DAPK1: variants seen among roughly 807,000 people sequenced by gnomAD.
The protein encoded by DAPK1 is death associated protein kinase 1, also known as death-associated protein kinase 1.
DAPK1 carries 56 observed loss-of-function variants against 144.9 expected under a neutral mutation model. The observed-to-expected ratio is 0.39, with a 90% CI of 0.31 to 0.48. The LOEUF (loss-of-function observed/expected upper bound fraction) is 0.48, where lower values mean the gene tolerates loss of function less well. Among genes scored for constraint, DAPK1 ranks in the 20% least tolerant of loss-of-function variants. The pLI is 0.95. For synonymous variants in DAPK1, 690 were observed against 749.0 expected (o/e 0.92, Z 1.29); for missense variants, 1,454 against 1,875.4 (o/e 0.78, Z 4.15).
chr9:87,549,977 T>G (rs1403580595), intron 2 of DAPK1, among the ~76,000 whole-genome samples: 2 of 152,236 alleles, frequency 1.3e-5, no homozygotes, highest in Non-Finnish European at 2.9e-5. Context: ...GGCTTCGTCA[T>G]GCGTGTCATT....
At chr9:87,527,758 G>C (rs916280012) in intron 2 of DAPK1, among the ~76,000 whole-genome samples, 2 of 152,222 alleles carry the variant, frequency 1.3e-5, no homozygotes, top group African/African-American at 4.8e-5. Flanking sequence ...CGGATTATTG[G>C]GACTATTCCC....
intron 2 of DAPK1, among the ~76,000 whole-genome samples, chr9:87,571,460 C>CCCCCCA (rs1564000685): frequency 1.5e-5 from 1 of 66,130 alleles, no homozygotes. Flanking sequence ...CACACACACA[C>CCCCCCA]ACACACACAC....
Position 87,524,490 on chromosome 9 carries a change from C to T in DAPK1, c.62+25351C>T, listed in dbSNP as rs7044086. Reference sequence around the variant, plus strand: ...CCTTGAACTTCCTCTTTCTCAGAGCCTAACAGTAGAGCCGGGGTGGGTTTC... The same window carrying T: ...CCTTGAACTTCCTCTTTCTCAGAGCTTAACAGTAGAGCCGGGGTGGGTTTC... On this transcript the variant is annotated intron_variant, in intron 2 of 25. Transcript: ENST00000408954. Among the ~76,000 whole-genome samples the T allele has an allele frequency of 6.7e-3, 1,021 of 152,282 alleles. 14 individuals carry two copies. Among genetic ancestry groups the T allele is most frequent in the African/African-American group, 0.023 (970 of 41,566 alleles).
At chr9:87,665,718 C>T (rs1831026004) in intron 18 of DAPK1, among the ~76,000 whole-genome samples, 1 of 152,202 alleles carries the variant, frequency 6.6e-6, no homozygotes, top group Non-Finnish European at 1.5e-5. Flanking sequence ...GTGAAGTGGC[C>T]TTTCACCTTT....
At chr9:87,650,407 A>C (rs1022992778) in intron 16 of DAPK1, 3 of 342,994 alleles carry the variant, frequency 8.7e-6, no homozygotes, top group Non-Finnish European at 1.6e-5. Context: ...TGTTCACTGA[A>C]TCCGAGACAA....
intron 25 of DAPK1, 34 bp downstream of exon 25, chr9:87,703,251 A>G: frequency 1.5e-6 from 2 of 1,333,842 alleles, no homozygotes; most frequent in Non-Finnish European, 2.1e-6. Context: ...GGGGGCCGTG[A>G]GAGGTGCCAG....
intron 2 of DAPK1, among the ~76,000 whole-genome samples, chr9:87,540,405 G>T (rs1826006531): frequency 6.6e-6 from 1 of 151,950 alleles, no homozygotes; most frequent in African/African-American, 2.4e-5. Flanking sequence ...TGGCCAGGCT[G>T]GTCTCGAACT....
chr9:87,596,591 G>C (rs1257413819), intron 2 of DAPK1, among the ~76,000 whole-genome samples: 2 of 152,198 alleles, frequency 1.3e-5, no homozygotes, highest in Non-Finnish European at 2.9e-5. Flanking sequence ...GATGGGATGA[G>C]AGGGCCCGTT....
At chr9:87,505,345 T>G (rs1824546871) in intron 2 of DAPK1, among the ~76,000 whole-genome samples, 1 of 152,144 alleles carries the variant, frequency 6.6e-6, no homozygotes, top group Admixed American at 6.5e-5. Flanking sequence ...TGGGGAAGAG[T>G]ACCCCAGAGA....
intron 2 of DAPK1, among the ~76,000 whole-genome samples, chr9:87,522,227 A>G (rs1214019582): frequency 6.6e-6 from 1 of 152,220 alleles, no homozygotes; most frequent in Non-Finnish European, 1.5e-5. Context: ...TTTTTCTCAG[A>G]CAGGTCCCTT....
At chr9:87,603,338 C>A (rs1345040833) in intron 2 of DAPK1, among the ~76,000 whole-genome samples, 2 of 152,038 alleles carry the variant, frequency 1.3e-5, no homozygotes, top group Non-Finnish European at 1.5e-5. Context: ...TTACATAGAC[C>A]CCGTAATTGT....
In DAPK1 at chr9:87,577,784, G is replaced by A. The variant is rs146863938; in HGVS notation, c.63-27170G>A. Among the ~76,000 whole-genome samples, 481 of 152,222 alleles carry A rather than the reference G, an allele frequency of 3.2e-3. 4 individuals carry two copies. Among genetic ancestry groups the A allele is most frequent in the African/African-American group, 0.011 (459 of 41,530 alleles). On this transcript the variant is annotated intron_variant, in intron 2 of 25. Coordinates refer to ENST00000408954, the MANE Select transcript of DAPK1 (RefSeq NM_004938.4). ...CTGCACCCCAGTGTGGTGACAGAGCGAGACTCTGTCTCAGGAAAAATAAAA... is the reference window on the plus strand; with the variant it reads ...CTGCACCCCAGTGTGGTGACAGAGCAAGACTCTGTCTCAGGAAAAATAAAA...
chr9:87,694,568 G>T (rs1469438051), intron 21 of DAPK1, among the ~76,000 whole-genome samples: 1 of 152,222 alleles, frequency 6.6e-6, no homozygotes, highest in Non-Finnish European at 1.5e-5. Flanking sequence ...CAGCTGGGGA[G>T]TGTATGATTT....
chr9:87,698,577 C>A (rs1825343615), intron 22 of DAPK1, 79 bp from the exon 23 acceptor site: 1 of 864,594 alleles, frequency 1.2e-6, no homozygotes. Context: ...ATGAGGCCAA[C>A]ACACCGCCCT....
intron 2 of DAPK1, among the ~76,000 whole-genome samples, chr9:87,539,521 C>G (rs1825970072): frequency 6.7e-6 from 1 of 149,252 alleles, no homozygotes; most frequent in South Asian, 2.1e-4. Flanking sequence ...CCTCTGCCTT[C>G]CGAGTTCAAG....
chr9:87,590,481 C>T (rs1828091316), intron 2 of DAPK1, among the ~76,000 whole-genome samples: 1 of 152,006 alleles, frequency 6.6e-6, no homozygotes, highest in Admixed American at 6.6e-5. Flanking sequence ...CCATTTTAAC[C>T]CTTTTCCGTC....
At chr9:87,555,769 C>T (rs532208014) in intron 2 of DAPK1, among the ~76,000 whole-genome samples, 1 of 152,346 alleles carries the variant, frequency 6.6e-6, no homozygotes, top group East Asian at 1.9e-4. Flanking sequence ...TCCCAAAGTG[C>T]TGGGATTACA....
intron 2 of DAPK1, among the ~76,000 whole-genome samples, chr9:87,603,432 A>G (rs7027958): frequency 0.55 from 83,898 of 152,022 alleles, 23,277 homozygotes; most frequent in Admixed American, 0.6. Context: ...TGCTGCAGGG[A>G]CAAAGCGGGT....
chr9:87,545,502 T>C (rs1416828636), intron 2 of DAPK1, among the ~76,000 whole-genome samples: 1 of 152,170 alleles, frequency 6.6e-6, no homozygotes, highest in Non-Finnish European at 1.5e-5. Flanking sequence ...TCAGAATGCT[T>C]AGGCTTGCCT....
Sources: allele counts gnomAD v4.1 joint callset (sites outside exome capture counted in the v4.1 genomes callset), GRCh38; gene constraint gnomAD v4.1.1; transcripts MANE v1.5; gene names NCBI Gene and HGNC (gene_info 2026-07-23, HGNC 2026-07-21).